The following MAN1A2 variants were observed in gnomAD, a reference collection of about 807,000 sequenced individuals.
The protein encoded by MAN1A2 is mannosidase alpha class 1A member 2.
A neutral mutation model predicts 75.7 loss-of-function variants in MAN1A2; 26 were observed. The observed-to-expected ratio is 0.34, with a 90% CI of 0.25 to 0.48. The LOEUF is 0.48. Among genes scored for constraint, MAN1A2 ranks in the 20% least tolerant of loss-of-function variants. MAN1A2 has a pLI of 0.99. For missense variants in MAN1A2, 562 were observed against 775.5 expected, an observed-to-expected ratio of 0.72 and a Z score of 3.27; for synonymous variants, 247 against 264.6, an observed-to-expected ratio of 0.93 and a Z score of 0.65.
Position 117,526,880 on chromosome 1 carries a change from C to CTCTA in MAN1A2, c.*3924_*3925insCTAT. On this transcript the variant is annotated 3_prime_UTR_variant, in exon 13 of 13. Coordinates refer to ENST00000356554, the MANE Select transcript of MAN1A2 (RefSeq NM_006699.5). ...TCTCTCTCTCTCTCTCTCTCTCTCT[C>CTCTA]TATATATATATATATATATATATAT... is the stretch of plus-strand genomic sequence containing the variant. The CTCTA allele has an allele frequency of 7.9e-3, 428 of 54,464 alleles. 3 individuals carry two copies. The highest frequency in any genetic ancestry group is 0.011 in the East Asian group (31 of 2,864). 3.4% of individuals were successfully genotyped at this position (54,464 alleles called of 1,614,324 possible).
chr1:117,396,857 T>G (rs1165092510), intron 1 of MAN1A2, among the ~76,000 whole-genome samples: 1 of 152,054 alleles, frequency 6.6e-6, no homozygotes, highest in Non-Finnish European at 1.5e-5. Context: ...CAAAAAAGGG[T>G]TATAGTGCTT....
At chr1:117,501,413 A>G (rs1342231091) in intron 11 of MAN1A2, among the ~76,000 whole-genome samples, 3 of 151,816 alleles carry the variant, frequency 2.0e-5, no homozygotes, top group African/African-American at 7.2e-5. Context: ...TTGGGTGCGA[A>G]GAAAGCAAAG....
chr1:117,402,202 C>G lies in MAN1A2; in HGVS notation c.319C>G (p.Leu107Val). The G allele has an allele frequency of 1.2e-6, 2 of 1,609,852 alleles. No individual in the cohort carries two copies. Among genetic ancestry groups the G allele is most frequent in the Non-Finnish European group, 1.7e-6 (2 of 1,178,720 alleles). ...EHRHREEEER[L>V]RNKIRADHEK... ...TTCTCACAGGGAAGAGGAAGAACGTCTGAGAAATAAAATTCGAGCTGATCA... is the reference window on the plus strand; with the variant it reads ...TTCTCACAGGGAAGAGGAAGAACGTGTGAGAAATAAAATTCGAGCTGATCA... The change falls in exon 2 of 13, where the codon CTG (leucine) becomes GTG (valine). Residue 107 changes from leucine to valine, a missense_variant. Leu to Val is a conservative substitution (Grantham distance 32). Coordinates refer to ENST00000356554, the MANE Select transcript of MAN1A2 (RefSeq NM_006699.5).
intron 4 of MAN1A2, among the ~76,000 whole-genome samples, chr1:117,416,171 C>G (rs1477813631): frequency 1.3e-5 from 2 of 151,934 alleles, no homozygotes; most frequent in African/African-American, 2.4e-5. Context: ...GATCCTAGTA[C>G]CATTTCTTTT....
At chr1:117,432,108 A>G (rs1648690885) in intron 5 of MAN1A2, among the ~76,000 whole-genome samples, 1 of 152,278 alleles carries the variant, frequency 6.6e-6, no homozygotes, top group Non-Finnish European at 1.5e-5. Flanking sequence ...TGAAAATATT[A>G]CAAAGTTGAT....
chr1:117,508,242 A>G (rs776873019), intron 12 of MAN1A2, among the ~76,000 whole-genome samples: 6 of 151,744 alleles, frequency 4.0e-5, no homozygotes, highest in Non-Finnish European at 7.4e-5. Context: ...TTTTGAGGAT[A>G]CATTTCAACC....
chr1:117,423,479 T>G (rs1317962984), intron 5 of MAN1A2, among the ~76,000 whole-genome samples: 1 of 152,196 alleles, frequency 6.6e-6, no homozygotes, highest in Non-Finnish European at 1.5e-5. Flanking sequence ...CAGTATTGTT[T>G]CAGTCCATGA....
chr1:117,469,513 G>A (rs868047253), intron 8 of MAN1A2, among the ~76,000 whole-genome samples: 11 of 151,868 alleles, frequency 7.2e-5, no homozygotes, highest in Admixed American at 2.0e-4. Flanking sequence ...CTATCTATGA[G>A]AAAGAAAGAC....
intron 1 of MAN1A2, among the ~76,000 whole-genome samples, chr1:117,386,881 C>T (rs550090731): frequency 6.8e-6 from 1 of 146,468 alleles, no homozygotes; most frequent in South Asian, 2.2e-4. Flanking sequence ...ACTGTACTCC[C>T]ACCTGAGTGA....
Position 117,496,757 on chromosome 1 carries a change from C to T in MAN1A2, c.1285-6C>T. The T allele has an allele frequency of 1.3e-6, 2 of 1,596,284 alleles. No individual in the cohort carries two copies. Among genetic ancestry groups the T allele is most frequent in the Non-Finnish European group, 1.7e-6 (2 of 1,165,274 alleles). On this transcript the variant is annotated splice_polypyrimidine_tract_variant and splice_region_variant and intron_variant, in intron 9 of 12. Coordinates refer to ENST00000356554, the MANE Select transcript of MAN1A2 (RefSeq NM_006699.5). ...TAAAATTTTGAATATCTTTTCTTTC[C>T]TGTAGGCTATAGAAAAACATCTTAT...
At chr1:117,370,738 A>AGTGTGTGTGGGT (rs1652934705) in intron 1 of MAN1A2, among the ~76,000 whole-genome samples, 1 of 148,214 alleles carries the variant, frequency 6.7e-6, no homozygotes, top group Non-Finnish European at 1.5e-5. Context: ...ATCTTCATTT[A>AGTGTGTGTGGGT]GTGTGTGTGT....
intron 1 of MAN1A2, among the ~76,000 whole-genome samples, chr1:117,369,780 C>G (rs1345774873): frequency 6.6e-6 from 1 of 152,130 alleles, no homozygotes; most frequent in Non-Finnish European, 1.5e-5. Context: ...CTAATATGAT[C>G]TGTGAAATAT....
chr1:117,395,776 A>G (rs531565670), intron 1 of MAN1A2, among the ~76,000 whole-genome samples: 5 of 152,212 alleles, frequency 3.3e-5, no homozygotes, highest in African/African-American at 9.6e-5. Flanking sequence ...GTTTGAGGAC[A>G]CAGTTCTTCA....
chr1:117,498,762 C>A (rs1344386471), intron 10 of MAN1A2, among the ~76,000 whole-genome samples: 1 of 151,950 alleles, frequency 6.6e-6, no homozygotes, highest in African/African-American at 2.4e-5. Flanking sequence ...AAAGTACAAT[C>A]CTAGTTTTGC....
Position 117,526,880 on chromosome 1 carries a change from C to CTCTATATATATATATATATATATA in MAN1A2, c.*3924_*3925insCTATATATATATATATATATATAT. On this transcript the variant is annotated 3_prime_UTR_variant, in exon 13 of 13. Transcript: ENST00000356554. ...TCTCTCTCTCTCTCTCTCTCTCTCTCTATATATATATATATATATATATAT... is the reference window on the plus strand; with the variant it reads ...TCTCTCTCTCTCTCTCTCTCTCTCTCTCTATATATATATATATATATATATATATATATATATATATATATATAT... The CTCTATATATATATATATATATATA allele has an allele frequency of 1.8e-5, 1 of 54,522 alleles. No individual in the cohort carries two copies. The highest frequency in any genetic ancestry group is 8.2e-5 in the African/African-American group (1 of 12,264). The allele number at this position is 54,522 out of a possible 1,614,324, so 3.4% of individuals were successfully genotyped here.
intron 12 of MAN1A2, among the ~76,000 whole-genome samples, chr1:117,520,720 A>G (rs1557983163): frequency 6.6e-6 from 1 of 152,132 alleles, no homozygotes; most frequent in Non-Finnish European, 1.5e-5. Context: ...GGTAGAATGA[A>G]TATTGTGAAA....
chr1:117,373,970 A>C (rs1385037167), intron 1 of MAN1A2, among the ~76,000 whole-genome samples: 1 of 152,184 alleles, frequency 6.6e-6, no homozygotes, highest in Non-Finnish European at 1.5e-5. Flanking sequence ...ACAAAGGATT[A>C]TAGGCAGAGC....
rs924155531 is a variant in MAN1A2 at position 117,525,382 on chromosome 1, T to C, written c.*2425T>C. 3 of 240,870 alleles carry C rather than the reference T, an allele frequency of 1.2e-5. No individual in the cohort carries two copies. Among genetic ancestry groups the C allele is most frequent in the African/African-American group, 6.7e-5 (3 of 44,596 alleles). The allele number at this position is 240,870 out of a possible 1,614,324, so 14.9% of individuals were successfully genotyped here. A position where few individuals can be genotyped will look rare whatever the true frequency, so the allele number is the denominator to read the frequency against. On this transcript the variant is annotated 3_prime_UTR_variant, in exon 13 of 13. Coordinates refer to ENST00000356554, the MANE Select transcript of MAN1A2 (RefSeq NM_006699.5). ...CCAGTGTCATGTTTTATTTTTGTTA[T>C]AGATTTTTAAATTATTTCCTTCAAG...
chr1:117,419,912 A>C (rs1266042215), intron 4 of MAN1A2, among the ~76,000 whole-genome samples: 1 of 152,082 alleles, frequency 6.6e-6, no homozygotes, highest in Non-Finnish European at 1.5e-5. Flanking sequence ...TTTATGCTTA[A>C]GTACCTGCTT....
Sources: gnomAD v4.1 joint callset for allele counts (sites outside exome capture counted in the v4.1 genomes callset) on GRCh38, gnomAD v4.1.1 for gene constraint, MANE v1.5 for transcripts, NCBI Gene and HGNC (gene_info 2026-07-23, HGNC 2026-07-21) for gene names.